DOK1: variants seen among roughly 807,000 people sequenced by gnomAD.
DOK1 encodes docking protein 1.
In DOK1, 12 loss-of-function variants were observed where a neutral mutation model predicts 24.0. The ratio of observed to expected loss-of-function variants is 0.50; its 90% CI spans 0.32 to 0.81. The LOEUF is 0.81. Ranked by LOEUF, DOK1 falls within the 30% of genes least tolerant of loss-of-function variation. DOK1 has a pLI of 0.03. For synonymous variants in DOK1, 250 were observed against 260.9 expected (o/e 0.96, Z 0.40); for missense variants, 591 against 620.7 (o/e 0.95, Z 0.51).
rs1677495239 is a variant in DOK1, at chr2:74,556,669, A to C, written c.1001A>C (p.Lys334Thr). Residue 334 changes from lysine to threonine, a missense_variant, in exon 5 of 5, where the codon AAA (lysine) becomes ACA (threonine). By Grantham distance (78) the Lys-to-Thr change is moderately conservative. Transcript: ENST00000233668. The surrounding 1 kb of genome is among the most constrained non-coding windows in gnomAD (Gnocchi z 4.1). ...GCAGGAGAGGGAGTACAACGGAAGA[A>C]ACCTCTCTATTGGGACTTGTATGAG... ...AQAGEGVQRK[K>T]PLYWDLYEHA... is the part of the protein sequence containing the mutation. 1 of 1,614,228 alleles carries C rather than the reference A, an allele frequency of 6.2e-7. No individual in the cohort carries two copies. The highest frequency in any genetic ancestry group is 8.5e-7 in the Non-Finnish European group (1 of 1,180,040).
chr2:74,549,404 G>C lies in DOK1; in HGVS notation c.-358+232G>C. 6.2e-7 allele frequency: 1 copy of C among 1,611,448 alleles called. No homozygotes were observed. The highest frequency in any genetic ancestry group is 1.1e-5 in the South Asian group (1 of 90,684). ...CCGCGTTGACCCTCTTTTCGCTGGGGAAGCCCAGCATCCCGCAGACCACGT... is the reference window on the plus strand; with the variant it reads ...CCGCGTTGACCCTCTTTTCGCTGGGCAAGCCCAGCATCCCGCAGACCACGT... On this transcript the variant is annotated intron_variant, in intron 1 of 4. Coordinates refer to the DOK1 transcript ENST00000409429. The surrounding 1 kb of genome is among the most constrained non-coding windows in gnomAD (Gnocchi z 5.3).
Position 74,549,639 on chromosome 2 carries a change from C to A in DOK1, c.-358+467C>A. 1 of 1,543,164 alleles carries A rather than the reference C, an allele frequency of 6.5e-7. No individual in the cohort carries two copies. The highest frequency in any genetic ancestry group is 2.3e-5 in the East Asian group (1 of 43,060). On this transcript the variant is annotated intron_variant, in intron 1 of 4. Transcript: ENST00000409429. The surrounding 1 kb of genome is among the most constrained non-coding windows in gnomAD (Gnocchi z 5.3). ...TCCCAGTGGCACCTTTCATGTGTCC[C>A]GCCGCCCTTAAGGAACCCTGCTTGG...
Position 74,556,206 on chromosome 2 carries a change from C to G in DOK1, c.640-102C>G. 1 of 1,537,572 alleles carries G rather than the reference C, an allele frequency of 6.5e-7. No individual in the cohort carries two copies. The highest frequency in any genetic ancestry group is 8.8e-7 in the Non-Finnish European group (1 of 1,141,122). ...CCTACCCGGTGACCCCGCGTCTGTT[C>G]GCAGGTGGTCTCTTCTTTGTAGATA... On this transcript the variant is annotated intron_variant, in intron 4 of 4. Coordinates refer to ENST00000233668, the MANE Select transcript of DOK1 (RefSeq NM_001381.5). This position sits in a 1 kb window ranked among gnomAD's most constrained non-coding sequence, Gnocchi z 4.1.
chr2:74,555,716 G>GC lies in DOK1; in HGVS notation c.454+50dup. The GC allele has an allele frequency of 6.2e-7, 1 of 1,611,284 alleles. No individual in the cohort carries two copies. The highest frequency in any genetic ancestry group is 8.5e-7 in the Non-Finnish European group (1 of 1,179,054). On this transcript the variant is annotated intron_variant, in intron 3 of 4. Transcript: ENST00000233668. The surrounding 1 kb of genome is among the most constrained non-coding windows in gnomAD (Gnocchi z 6.1). ...CAGGGATGGAGTGAAGAGGAGGAGG[G>GC]CCGAGGGCCTTTGGGAAGTGGGTGG...
At position 74,556,043 on chromosome 2, in the gene DOK1, C is replaced by A; in HGVS notation, c.604C>A (p.Pro202Thr). The change falls in exon 4 of 5, where the codon CCC (proline) becomes ACC (threonine). Residue 202 changes from proline (P) to threonine (T), a missense_variant. Coordinates refer to ENST00000233668, the MANE Select transcript of DOK1 (RefSeq NM_001381.5). This position sits in a 1 kb window ranked among gnomAD's most constrained non-coding sequence, Gnocchi z 4.1. Reference protein sequence around the residue: ...SQILEPLLSWPYTLLRRYGRD... With the variant: ...SQILEPLLSWTYTLLRRYGRD... The stretch of plus-strand genomic sequence containing the variant: ...GATACTGGAGCCACTCCTGTCCTGG[C>A]CCTACACTCTGTTGCGTCGCTATGG... 3 of 1,608,510 alleles carry A rather than the reference C, an allele frequency of 1.9e-6. No homozygotes were observed. The highest frequency in any genetic ancestry group is 2.5e-6 in the Non-Finnish European group (3 of 1,177,038).
upstream of DOK1, chr2:74,549,734 A>G: frequency 1.4e-6 from 2 of 1,442,642 alleles, no homozygotes; most frequent in Non-Finnish European, 9.1e-7. The surrounding 1 kb of genome is among the most constrained non-coding windows in gnomAD (Gnocchi z 5.3). Context: ...CGATGGCCGC[A>G]GTCCGCGGTG....
At position 74,556,420 on chromosome 2, in the gene DOK1, G is replaced by C; in HGVS notation, c.752G>C (p.Arg251Pro). ...IFQAVETAIH[R>P]QKAQGKAGQG... ...CAGGCAGTTGAGACTGCCATCCACC[G>C]GCAGAAGGCCCAGGGAAAGGCCGGA... Residue 251 changes from arginine to proline, a missense_variant, in exon 5 of 5, where the codon CGG (arginine) becomes CCG (proline). Arg to Pro is a moderately radical substitution (Grantham distance 103, BLOSUM62 -2). Transcript: ENST00000233668. The surrounding 1 kb of genome is among the most constrained non-coding windows in gnomAD (Gnocchi z 4.1). 1.2e-6 allele frequency: 2 copies of C among 1,614,106 alleles called. No homozygotes were observed. Among genetic ancestry groups the C allele is most frequent in the East Asian group, 4.5e-5 (2 of 44,878 alleles).
rs752423713 is a variant in DOK1 at position 74,555,965 on chromosome 2, C to G, written c.526C>G (p.Leu176Val). Residue 176 changes from leucine (L) to valine (V), a missense_variant, in exon 4 of 5, where the codon CTG becomes GTG. Transcript: ENST00000233668. The surrounding 1 kb of genome is among the most constrained non-coding windows in gnomAD (Gnocchi z 6.1). Reference protein sequence around the residue: ...ERCGLHGSYVLRVEAERLTLL... With the variant: ...ERCGLHGSYVVRVEAERLTLL... ...CTGTGGCCTGCATGGCTCCTACGTG[C>G]TGAGGGTGGAGGCTGAAAGGCTGAC... 9 of 1,613,804 alleles carry G rather than the reference C, an allele frequency of 5.6e-6. No individual in the cohort carries two copies. The highest frequency in any genetic ancestry group is 6.8e-6 in the Non-Finnish European group (8 of 1,179,942).
Position 74,556,007 on chromosome 2 carries a change from G to A in DOK1, c.568G>A (p.Ala190Thr), listed in dbSNP as rs781227193. 10 of 1,613,626 alleles carry A rather than the reference G, an allele frequency of 6.2e-6. No individual in the cohort carries two copies. Among genetic ancestry groups the A allele is most frequent in the Middle Eastern group, 1.6e-4 (1 of 6,074 alleles). ...AAGGCTGACTCTCCTGACCGTGGGG[G>A]CCCAGAGTCAGATACTGGAGCCACT... The part of the protein sequence containing the change: ...AERLTLLTVG[A>T]QSQILEPLLS... The change falls in exon 4 of 5, where the codon GCC (alanine) becomes ACC (threonine). Residue 190 changes from alanine (A) to threonine (T), a missense_variant. Transcript: ENST00000233668. This position sits in a 1 kb window ranked among gnomAD's most constrained non-coding sequence, Gnocchi z 4.1.
chr2:74,554,811 C>T lies in DOK1; in HGVS notation c.57C>T (p.Thr19=), dbSNP rs759968687. 2 of 1,614,096 alleles carry T rather than the reference C, an allele frequency of 1.2e-6. No homozygotes were observed. The highest frequency in any genetic ancestry group is 1.6e-4 in the Middle Eastern group (1 of 6,062). ...TTTTGCAGAGTCAGCGCTTTGGGAC[C>T]AAGGTAGTCTGGCGCATGGATGCCG... The part of the protein sequence containing the change: ...PLFLQSQRFG[T]KRWRKTWAVL... The change falls in exon 1 of 5, where the codon ACC becomes ACT. Residue 19 remains threonine, a synonymous_variant. Transcript: ENST00000233668. The surrounding 1 kb of genome is among the most constrained non-coding windows in gnomAD (Gnocchi z 4.9).
upstream of DOK1, chr2:74,550,131 A>G (rs79033768): frequency 1.9e-3 from 3,037 of 1,565,972 alleles, 65 homozygotes; most frequent in African/African-American, 0.037. Context: ...ACCACCCCAC[A>G]GTACTCTCGG....
Position 74,549,628 on chromosome 2 carries a change from T to C in DOK1, c.-358+456T>C. On this transcript the variant is annotated intron_variant, in intron 1 of 4. Transcript: ENST00000409429. This position sits in a 1 kb window ranked among gnomAD's most constrained non-coding sequence, Gnocchi z 5.3. ...CAGGGAAAGAATCCCAGTGGCACCT[T>C]TCATGTGTCCCGCCGCCCTTAAGGA... The C allele has an allele frequency of 6.4e-7, 1 of 1,565,988 alleles. No homozygotes were observed. The highest frequency in any genetic ancestry group is 8.7e-7 in the Non-Finnish European group (1 of 1,149,394).
chr2:74,551,938 T>C (rs1298259690), upstream of DOK1, among the ~76,000 whole-genome samples: 3 of 152,278 alleles, frequency 2.0e-5, no homozygotes, highest in Non-Finnish European at 2.9e-5. Flanking sequence ...TGACCCCTTG[T>C]GACTTTGGGA....
Position 74,556,904 on chromosome 2 carries a change from A to T in DOK1, c.1236A>T (p.Pro412=). The T allele has an allele frequency of 6.2e-7, 1 of 1,613,888 alleles. No homozygotes were observed. Among genetic ancestry groups the T allele is most frequent in the Non-Finnish European group, 8.5e-7 (1 of 1,179,986 alleles). ...CTGCCACTGATGACTACGCTGTGCC[A>T]CCCCCTCGGAGCACAAAGCCCCTCC... is the stretch of plus-strand genomic sequence containing the variant. The part of the protein sequence containing the change: ...YNPATDDYAV[P]PPRSTKPLLA... Residue 412 remains proline, a synonymous_variant, in exon 5 of 5, where the codon CCA becomes CCT. Transcript: ENST00000233668. This position sits in a 1 kb window ranked among gnomAD's most constrained non-coding sequence, Gnocchi z 4.1.
chr2:74,553,246 C>T (rs1677141536), upstream of DOK1, among the ~76,000 whole-genome samples: 1 of 152,060 alleles, frequency 6.6e-6, no homozygotes, highest in Non-Finnish European at 1.5e-5. Context: ...GCCCTGGGAT[C>T]ACAGATCCCC....
upstream of DOK1, chr2:74,550,195 T>C (rs756276203): frequency 8.7e-6 from 14 of 1,613,388 alleles, no homozygotes; most frequent in East Asian, 6.7e-5. Context: ...CTCAATGACA[T>C]TGGAGTCCGA....
rs772701333 is a variant in DOK1, at chr2:74,555,337, C to T, written c.244C>T (p.Pro82Ser). The T allele has an allele frequency of 1.2e-6, 2 of 1,613,968 alleles. No homozygotes were observed. Among genetic ancestry groups the T allele is most frequent in the Admixed American group, 1.7e-5 (1 of 60,026 alleles). The change falls in exon 2 of 5, where the codon CCT becomes TCT. Residue 82 changes from proline (P) to serine (S), a missense_variant. Pro to Ser is a moderately conservative substitution (Grantham distance 74). Transcript: ENST00000233668. This position sits in a 1 kb window ranked among gnomAD's most constrained non-coding sequence, Gnocchi z 6.1. The stretch of plus-strand genomic sequence containing the variant: ...GGCCCCCGTCACCGTGGAGACCCCC[C>T]CTGAGCCCGGCGCCACTGCCTTCCG... ...SVAPVTVETP[P>S]EPGATAFRLD...
At position 74,549,480 on chromosome 2, in the gene DOK1, G is replaced by A; in HGVS notation, c.-358+308G>A. On this transcript the variant is annotated intron_variant, in intron 1 of 4. Transcript: ENST00000409429. The surrounding 1 kb of genome is among the most constrained non-coding windows in gnomAD (Gnocchi z 5.3). ...GTCGCACACTTGCGACCAGCCGTCA[G>A]GAAGCCTGACTTCCACCAGCCCCTC... is the stretch of plus-strand genomic sequence containing the variant. The A allele has an allele frequency of 6.2e-7, 1 of 1,613,502 alleles. No homozygotes were observed. The highest frequency in any genetic ancestry group is 8.5e-7 in the Non-Finnish European group (1 of 1,179,818).
Position 74,555,069 on chromosome 2 carries a change from A to C in DOK1, c.61-85A>C, listed in dbSNP as rs910643946. 6.7e-7 allele frequency: 1 copy of C among 1,498,962 alleles called. No homozygotes were observed. Among genetic ancestry groups the C allele is most frequent in the Non-Finnish European group, 8.9e-7 (1 of 1,120,720 alleles). 92.9% of individuals were successfully genotyped at this position (1,498,962 alleles called of 1,614,324 possible). On this transcript the variant is annotated intron_variant, in intron 1 of 4. Coordinates refer to ENST00000233668, the MANE Select transcript of DOK1 (RefSeq NM_001381.5). This position sits in a 1 kb window ranked among gnomAD's most constrained non-coding sequence, Gnocchi z 6.1. ...TTTGGAAGCCCCAGATCCCAAATCG[A>C]CTTGCGCCGCAACCTCCTTCCCCGT...
Sources: gnomAD v4.1 joint callset for allele counts (sites outside exome capture counted in the v4.1 genomes callset) on GRCh38, gnomAD v4.1.1 for gene constraint, Gnocchi (gnomAD v3.1) non-coding constraint, MANE v1.5 for transcripts, NCBI Gene and HGNC (gene_info 2026-07-23, HGNC 2026-07-21) for gene names.